Variants in CLIP1 observed in about 807,000 individuals in gnomAD.
CLIP1 encodes the protein CAP-Gly domain-containing linker protein 1.
In CLIP1, 66 loss-of-function variants were observed where a neutral mutation model predicts 161.6. The ratio of observed to expected loss-of-function variants is 0.41; its 90% CI spans 0.33 to 0.50. CLIP1 has a LOEUF of 0.50. Among genes scored for constraint, CLIP1 ranks in the 20% least tolerant of loss-of-function variants. The probability of loss-of-function intolerance (pLI) is 0.27; values close to 1 mark genes in which losing one functional copy is unlikely to be tolerated. For missense variants in CLIP1, 1,376 were observed against 1,702.0 expected (o/e 0.81, Z 3.37); for synonymous variants, 598 against 626.2 (o/e 0.96, Z 0.67).
Position 122,341,670 on chromosome 12 carries a change from T to C in CLIP1, c.1534A>G (p.Ile512Val). 3.1e-6 allele frequency: 5 copies of C among 1,588,060 alleles called. No individual in the cohort carries two copies. The highest frequency in any genetic ancestry group is 4.3e-6 in the Non-Finnish European group (5 of 1,167,120). The stretch of plus-strand genomic sequence containing the variant: ...GCTAGGTCTTTCTCCAGTTCCATTA[T>C]ACGTGACTTTTCTGAAACTGTAGCC... ...RVATVSEKSR[I>V]MELEKDLALR... The change falls in exon 11 of 26, where the codon ATA becomes GTA. Residue 512 changes from isoleucine (I) to valine (V), a missense_variant. Ile to Val is a conservative substitution (Grantham distance 29). Around this residue, in one of 6 missense-constraint regions of CLIP1, gnomAD observed 948 missense variants for 1,134.8 expected, o/e 0.84. Transcript: ENST00000620786.
chr12:122,417,734 A>T (rs1956805063), intron 1 of CLIP1, among the ~76,000 whole-genome samples: 2 of 151,872 alleles, frequency 1.3e-5, no homozygotes, highest in South Asian at 4.2e-4. Context: ...GGATGGTCTC[A>T]ATCTCCTGAC....
intron 1 of CLIP1, among the ~76,000 whole-genome samples, chr12:122,391,282 C>T (rs925614339): frequency 4.6e-5 from 7 of 151,474 alleles, no homozygotes; most frequent in Non-Finnish European, 8.8e-5. Flanking sequence ...AGCAAGACTC[C>T]GTCTAACAAA....
chr12:122,407,622 C>T (rs1956369493), intron 1 of CLIP1, among the ~76,000 whole-genome samples: 1 of 150,466 alleles, frequency 6.6e-6, no homozygotes, highest in Non-Finnish European at 1.5e-5. Context: ...CACCTGAGCC[C>T]AGGAGATTGA....
intron 1 of CLIP1, among the ~76,000 whole-genome samples, chr12:122,410,676 C>T (rs902763988): frequency 6.6e-6 from 1 of 152,102 alleles, no homozygotes; most frequent in African/African-American, 2.4e-5. Context: ...CCAGGCTGGT[C>T]TCGAACTCCT....
At chr12:122,352,664 T>C in intron 8 of CLIP1, 62 bp downstream of exon 8, 1 of 1,391,414 alleles carries the variant, frequency 7.2e-7, no homozygotes, top group South Asian at 1.2e-5. Context: ...TGGTGCATTA[T>C]TTCGCCCGTG....
chr12:122,307,328 T>C (rs1435223780), intron 20 of CLIP1, among the ~76,000 whole-genome samples: 3 of 152,036 alleles, frequency 2.0e-5, no homozygotes, highest in African/African-American at 7.2e-5. Flanking sequence ...TTTGAGCCTG[T>C]TTCCTGTCTA....
At chr12:122,378,812 T>C (rs1479482160) in intron 2 of CLIP1, among the ~76,000 whole-genome samples, 1 of 152,032 alleles carries the variant, frequency 6.6e-6, no homozygotes, top group African/African-American at 2.4e-5. Flanking sequence ...CCAGTCAACA[T>C]GATGAAACCC....
intron 20 of CLIP1, among the ~76,000 whole-genome samples, chr12:122,292,873 G>T (rs755018491): frequency 6.6e-5 from 10 of 151,658 alleles, no homozygotes; most frequent in Non-Finnish European, 1.3e-4. Flanking sequence ...CGCGGTGGTG[G>T]GCGCCTGTAG....
chr12:122,328,149 T>G lies in CLIP1; in HGVS notation c.3047A>C (p.Glu1016Ala). Residue 1016 changes from glutamate to alanine, a missense_variant, in exon 17 of 26, where the codon GAA becomes GCA. By Grantham distance (107) the Glu-to-Ala change is moderately radical. Transcript: ENST00000620786. ...RKLSDLEKKM[E>A]TSHNQCQELK... ...CTCCTGACACTGGTTGTGGCTTGTTTCCATTTTCTTTTCCTGCAGAGACCC... is the reference window on the plus strand; with the variant it reads ...CTCCTGACACTGGTTGTGGCTTGTTGCCATTTTCTTTTCCTGCAGAGACCC... 1 of 1,613,934 alleles carries G rather than the reference T, an allele frequency of 6.2e-7. No homozygotes were observed. Among genetic ancestry groups the G allele is most frequent in the African/African-American group, 1.3e-5 (1 of 75,024 alleles).
chr12:122,290,675 C>T (rs1358990620), intron 20 of CLIP1, among the ~76,000 whole-genome samples: 1 of 151,660 alleles, frequency 6.6e-6, no homozygotes, highest in Non-Finnish European at 1.5e-5. Flanking sequence ...CCTACAAAAA[C>T]ACAATACGCA....
intron 20 of CLIP1, among the ~76,000 whole-genome samples, 185 bp downstream of exon 20, chr12:122,309,577 C>T (rs866912734): frequency 6.6e-6 from 1 of 152,184 alleles, no homozygotes; most frequent in Non-Finnish European, 1.5e-5. Context: ...TGTCAAATCT[C>T]TCCTACCCTA....
At chr12:122,336,969 T>TA (rs988347430) in intron 11 of CLIP1, among the ~76,000 whole-genome samples, 6 of 151,368 alleles carry the variant, frequency 4.0e-5, no homozygotes, top group African/African-American at 1.5e-4. Context: ...TGTGTTTTTT[T>TA]TTTTTTCTCT....
intron 15 of CLIP1, among the ~76,000 whole-genome samples, chr12:122,329,122 T>C (rs1951827308): frequency 6.6e-6 from 1 of 151,080 alleles, no homozygotes; most frequent in Non-Finnish European, 1.5e-5. Context: ...AGTTCAGGAG[T>C]TCAAGACCAG....
At chr12:122,325,532 A>G (rs1053430779) in intron 17 of CLIP1, among the ~76,000 whole-genome samples, 1 of 152,122 alleles carries the variant, frequency 6.6e-6, no homozygotes, top group East Asian at 1.9e-4. Flanking sequence ...CCCAGGCTGG[A>G]GGGAAGTGGC....
At chr12:122,374,404 A>C (rs1457745131) in intron 3 of CLIP1, among the ~76,000 whole-genome samples, 6 of 151,594 alleles carry the variant, frequency 4.0e-5, no homozygotes, top group Admixed American at 4.0e-4. Flanking sequence ...GCAGATCACG[A>C]GGTCAAGAGA....
At chr12:122,422,756 G>T (rs1168493486), upstream of CLIP1, 3 of 134,204 alleles carry the variant, frequency 2.2e-5, no homozygotes, top group Non-Finnish European at 3.3e-5. Context: ...CCTCGAGTCC[G>T]CACCGGCCCT....
chr12:122,278,956 GT>G lies in CLIP1; in HGVS notation c.3766-15del. On this transcript the variant is annotated splice_polypyrimidine_tract_variant and intron_variant, in intron 22 of 25. Transcript: ENST00000620786. ...GAGCACTGTGACCTGAAACACAGTT[GT>G]TTAGCTTAGGCTGAGGGTTTGAACG... is the stretch of plus-strand genomic sequence containing the variant. 1 of 1,606,336 alleles carries G rather than the reference GT, an allele frequency of 6.2e-7. No homozygotes were observed. Among genetic ancestry groups the G allele is most frequent in the Non-Finnish European group, 8.5e-7 (1 of 1,177,462 alleles).
rs1383799705 is a variant in CLIP1, at chr12:122,288,550, A to G, written c.3595-9T>C. The G allele has an allele frequency of 6.2e-7, 1 of 1,603,812 alleles. No homozygotes were observed. The highest frequency in any genetic ancestry group is 8.5e-7 in the Non-Finnish European group (1 of 1,179,256). On this transcript the variant is annotated splice_polypyrimidine_tract_variant and intron_variant, in intron 20 of 25. Coordinates refer to ENST00000620786, the MANE Select transcript of CLIP1 (RefSeq NM_001247997.2). ...GATCTTTCTTCTTCCAGCTAGGAAA[A>G]AAACACAAAAAACTTCAGTTCATAA...
chr12:122,275,506 G>A (rs2136195615), intron 24 of CLIP1: 1 of 152,230 alleles, frequency 6.6e-6, no homozygotes. Flanking sequence ...AGCTACTCAG[G>A]AGGCTGAGGC....
Sources: allele counts gnomAD v4.1 joint callset (sites outside exome capture counted in the v4.1 genomes callset), GRCh38; gene constraint gnomAD v4.1.1; regional missense constraint gnomAD v4.1.1; transcripts MANE v1.5; gene names NCBI Gene and HGNC (gene_info 2026-07-23, HGNC 2026-07-21).